The following PFDN1 variants were observed in gnomAD, a reference collection of about 807,000 sequenced individuals.
PFDN1 encodes the protein prefoldin subunit 1.
Under a neutral mutation model 17.3 loss-of-function variants are expected in PFDN1, and 6 were observed. The observed-to-expected ratio is 0.35, with a 90% CI of 0.19 to 0.69. The LOEUF (loss-of-function observed/expected upper bound fraction) is 0.69. Among genes scored for constraint, PFDN1 ranks in the 30% least tolerant of loss-of-function variants. The pLI is 0.65. For missense variants in PFDN1, 113 were observed against 146.2 expected, an observed-to-expected ratio of 0.77 and a Z score of 1.17; for synonymous variants, 58 against 50.1, an observed-to-expected ratio of 1.16 and a Z score of -0.67.
intron 3 of PFDN1, among the ~76,000 whole-genome samples, chr5:140,256,145 A>C (rs1764982155): frequency 6.6e-6 from 1 of 152,096 alleles, no homozygotes; most frequent in African/African-American, 2.4e-5. Flanking sequence ...TCCTCTGCTC[A>C]GCTTCCGAAT....
chr5:140,245,634 G>T lies in PFDN1; in HGVS notation c.*340C>A. Reference sequence around the variant, plus strand: ...CTGCTCAAGAAAACCAGGCTTAGCAGAGTGGGACAGACGCTTTTTATTGGT... The same window carrying T: ...CTGCTCAAGAAAACCAGGCTTAGCATAGTGGGACAGACGCTTTTTATTGGT... On this transcript the variant is annotated 3_prime_UTR_variant, in exon 4 of 4. Transcript: ENST00000261813. 1.4e-6 allele frequency: 1 copy of T among 694,988 alleles called. No homozygotes were observed. The highest frequency in any genetic ancestry group is 1.5e-5 in the South Asian group (1 of 66,702). The allele number at this position is 694,988 out of a possible 1,614,324, so 43.1% of individuals were successfully genotyped here.
chr5:140,255,596 T>G (rs1166697622), intron 3 of PFDN1, among the ~76,000 whole-genome samples: 1 of 152,158 alleles, frequency 6.6e-6, no homozygotes, highest in East Asian at 1.9e-4. Context: ...TGAGCCGTGA[T>G]CATGCCACTG....
At chr5:140,283,424 A>G (rs1416707722) in intron 2 of PFDN1, among the ~76,000 whole-genome samples, 2 of 151,900 alleles carry the variant, frequency 1.3e-5, no homozygotes, top group African/African-American at 2.4e-5. Context: ...TAGTAGAGAC[A>G]GGGTTTCACC....
chr5:140,302,795 G>A (rs1007632386), intron 1 of PFDN1, among the ~76,000 whole-genome samples: 1 of 152,132 alleles, frequency 6.6e-6, no homozygotes, highest in Non-Finnish European at 1.5e-5. Context: ...CAGAAAGACT[G>A]GACAAGCCCG....
chr5:140,249,610 A>G (rs1764882532), intron 3 of PFDN1, among the ~76,000 whole-genome samples: 1 of 152,156 alleles, frequency 6.6e-6, no homozygotes, highest in African/African-American at 2.4e-5. Flanking sequence ...TTATGAAGAA[A>G]AGAGGTTTGT....
At chr5:140,276,518 T>C (rs1251236276) in intron 3 of PFDN1, among the ~76,000 whole-genome samples, 3 of 152,098 alleles carry the variant, frequency 2.0e-5, no homozygotes, top group African/African-American at 7.2e-5. Flanking sequence ...TGGTGGCTCA[T>C]GCCTGTAATC....
intron 2 of PFDN1, among the ~76,000 whole-genome samples, chr5:140,297,163 G>T (rs935010565): frequency 3.3e-5 from 5 of 152,096 alleles, no homozygotes; most frequent in African/African-American, 1.2e-4. Flanking sequence ...TGTTCTAAAA[G>T]AAAAATGAAG....
At chr5:140,255,891 C>G (rs1764978406) in intron 3 of PFDN1, among the ~76,000 whole-genome samples, 1 of 152,182 alleles carries the variant, frequency 6.6e-6, no homozygotes, top group African/African-American at 2.4e-5. Flanking sequence ...GCTGCCTCCC[C>G]TGTCTTCCCT....
chr5:140,298,628 A>G (rs1529693), intron 2 of PFDN1, among the ~76,000 whole-genome samples: 71,414 of 152,106 alleles, frequency 0.47, 17,050 homozygotes, highest in South Asian at 0.71. Flanking sequence ...AAGAAAAAAA[A>G]GTGAAATGTA....
At chr5:140,268,643 T>TCAA (rs1020213398) in intron 3 of PFDN1, among the ~76,000 whole-genome samples, 1 of 152,078 alleles carries the variant, frequency 6.6e-6, no homozygotes, top group Non-Finnish European at 1.5e-5. Flanking sequence ...AGACTCCATC[T>TCAA]CAACAACAAC....
chr5:140,247,750 C>A (rs1764850046), intron 3 of PFDN1, among the ~76,000 whole-genome samples: 1 of 152,132 alleles, frequency 6.6e-6, no homozygotes, highest in South Asian at 2.1e-4. Flanking sequence ...ACCAGCCTGG[C>A]CAACATGGCA....
intron 2 of PFDN1, among the ~76,000 whole-genome samples, chr5:140,291,462 C>G (rs1210853920): frequency 6.6e-6 from 1 of 152,064 alleles, no homozygotes; most frequent in Non-Finnish European, 1.5e-5. Context: ...TGTTTATAAA[C>G]AGCAAAAATT....
chr5:140,278,449 T>C (rs554261998), intron 3 of PFDN1, among the ~76,000 whole-genome samples: 87 of 148,030 alleles, frequency 5.9e-4, no homozygotes, highest in Middle Eastern at 3.5e-3. Context: ...TAGTCCCAGG[T>C]ACTCAGGAGG....
At position 140,303,091 on chromosome 5, in the gene PFDN1, G is replaced by T. The variant is rs752542170; in HGVS notation, c.-18C>A. 6.2e-6 allele frequency: 10 copies of T among 1,607,702 alleles called. No homozygotes were observed. The East Asian group carries it at 2.0e-4, about 32-fold the overall frequency. ...GCGGCCATCTTGGTGCACTGTAAGC[G>T]CCTGCGCAGTGGGAGTTGGACTGAA... On this transcript the variant is annotated 5_prime_UTR_variant, in exon 1 of 4. Coordinates refer to ENST00000261813, the MANE Select transcript of PFDN1 (RefSeq NM_002622.5).
Position 140,273,319 on chromosome 5 carries a change from CCTCCAAATGGGGG to C in PFDN1, c.285+8117_285+8129del, listed in dbSNP as rs545354063. On this transcript the variant is annotated intron_variant, in intron 3 of 3. Transcript: ENST00000261813. ...ATACAGTAGAGTCCACCTGACATCA[CCTCCAAATGGGGG>C]CTCCTATTATATACACCAATAGTAC... Among the ~76,000 whole-genome samples the C allele has an allele frequency of 1.1e-4, 16 of 151,996 alleles. No individual in the cohort carries two copies. In the South Asian group the frequency reaches 2.9e-3, roughly 28 times the overall value.
At chr5:140,281,264 T>G (rs1331183358) in intron 3 of PFDN1, 185 bp downstream of exon 3, 1 of 457,100 alleles carries the variant, frequency 2.2e-6, no homozygotes, top group Non-Finnish European at 3.9e-6. Flanking sequence ...ATTCTTTTTT[T>G]TTTGTTTTGG....
chr5:140,286,605 G>T (rs76024514), intron 2 of PFDN1, among the ~76,000 whole-genome samples: 11 of 18,384 alleles, frequency 6.0e-4, no homozygotes, highest in South Asian at 2.6e-3. Context: ...TGCGGGGGGG[G>T]GGGGGGGGGG....
At chr5:140,263,448 T>G (rs1765090684) in intron 3 of PFDN1, among the ~76,000 whole-genome samples, 1 of 152,356 alleles carries the variant, frequency 6.6e-6, no homozygotes, top group Non-Finnish European at 1.5e-5. Flanking sequence ...ATGGAATTTT[T>G]ATATCCATCT....
intron 2 of PFDN1, among the ~76,000 whole-genome samples, chr5:140,299,667 C>T (rs1765710864): frequency 6.6e-6 from 1 of 151,930 alleles, no homozygotes; most frequent in South Asian, 2.1e-4. Flanking sequence ...AGTTCAGCTC[C>T]TCATTTTAAA....
Sources: allele counts gnomAD v4.1 joint callset (sites outside exome capture counted in the v4.1 genomes callset), GRCh38; gene constraint gnomAD v4.1.1; transcripts MANE v1.5; gene names NCBI Gene and HGNC (gene_info 2026-07-23, HGNC 2026-07-21).